CD226: variants seen among roughly 807,000 people sequenced by gnomAD.
CD226 encodes the protein CD226 molecule.
CD226 carries 24 observed loss-of-function variants against 34.9 expected under a neutral mutation model. That is an observed-to-expected ratio of 0.69 (90% CI 0.50 to 0.97). The LOEUF is 0.97. CD226 is among the 50% of genes least tolerant of loss of function. The pLI, the probability that CD226 is intolerant of heterozygous loss-of-function variation, is 0.00. For missense variants in CD226, 397 were observed against 412.7 expected (o/e 0.96, Z 0.33); for synonymous variants, 148 against 147.4 (o/e 1.00, Z -0.03).
rs554190526 is a variant in CD226 at position 69,908,988 on chromosome 18, C to G, written c.383-12943G>C. Among the ~76,000 whole-genome samples, 4 of 152,328 alleles carry G rather than the reference C, an allele frequency of 2.6e-5. No homozygotes were observed. The East Asian group carries it at 7.7e-4, about 29-fold the overall frequency. On this transcript the variant is annotated intron_variant, in intron 2 of 5. Transcript: ENST00000582621. ...TGTGATGCCACTTATCCTGTGATAT[C>G]ACTTATTCTGTGACATCACCTATTT... is the stretch of plus-strand genomic sequence containing the variant.
chr18:69,869,785 A>ATTTTT (rs1433253702), intron 4 of CD226, among the ~76,000 whole-genome samples: 1 of 142,658 alleles, frequency 7.0e-6, no homozygotes, highest in Non-Finnish European at 1.5e-5. Flanking sequence ...AGGATGAGAG[A>ATTTTT]TTTTCTTTTT....
At chr18:69,941,248 C>A (rs1190088782) in intron 2 of CD226, among the ~76,000 whole-genome samples, 3 of 152,260 alleles carry the variant, frequency 2.0e-5, no homozygotes, top group African/African-American at 4.8e-5. Flanking sequence ...GGAGCCCCCA[C>A]ACAGAATCCC....
chr18:69,891,362 GC>G, intron 3 of CD226, among the ~76,000 whole-genome samples: 1 of 151,516 alleles, frequency 6.6e-6, no homozygotes, highest in African/African-American at 2.4e-5. Flanking sequence ...TCTATGAAAA[GC>G]CCACAGCTAA....
chr18:69,941,303 C>T (rs2055721153), intron 2 of CD226, among the ~76,000 whole-genome samples: 3 of 152,228 alleles, frequency 2.0e-5, no homozygotes, highest in African/African-American at 7.2e-5. Flanking sequence ...GGGCCACCAT[C>T]CTTCAGACCC....
chr18:69,940,767 T>C (rs1247419419), intron 2 of CD226, among the ~76,000 whole-genome samples: 1 of 152,180 alleles, frequency 6.6e-6, no homozygotes, highest in Non-Finnish European at 1.5e-5. Context: ...AAAAACATTT[T>C]CTGGGAAGAA....
rs1197720866 is a variant in CD226 at position 69,862,577 on chromosome 18, A to G, written c.*1737T>C. The G allele has an allele frequency of 6.6e-6, 1 of 152,178 alleles. No homozygotes were observed. The highest frequency in any genetic ancestry group is 1.5e-5 in the Non-Finnish European group (1 of 67,996). The allele number at this position is 152,178 out of a possible 1,614,324, so 9.4% of individuals were successfully genotyped here. On this transcript the variant is annotated 3_prime_UTR_variant, in exon 6 of 6. Transcript: ENST00000582621. ...GCATATACTTAAGCACAACCAGGAA[A>G]TGGTCGTTTTTATTTTTTCACTCCT...
In CD226 at chr18:69,903,903, G is replaced by C. The variant is rs1332947137; in HGVS notation, c.383-7858C>G. 2.0e-5 allele frequency among the ~76,000 whole-genome samples: 3 copies of C among 152,120 alleles called. No individual in the cohort carries two copies. In the South Asian group the frequency reaches 6.2e-4, roughly 32 times the overall value. On this transcript the variant is annotated intron_variant, in intron 2 of 5. Coordinates refer to ENST00000582621, the MANE Select transcript of CD226 (RefSeq NM_001303618.2). Reference sequence around the variant, plus strand: ...CCAGCAGCTCTAGGACACTAATAGGGAGTAAGGACCATCAGGACGACATCT... The same window carrying C: ...CCAGCAGCTCTAGGACACTAATAGGCAGTAAGGACCATCAGGACGACATCT...
At chr18:69,942,720 GC>G (rs1303748703) in intron 2 of CD226, among the ~76,000 whole-genome samples, 1 of 152,116 alleles carries the variant, frequency 6.6e-6, no homozygotes, top group Non-Finnish European at 1.5e-5. Flanking sequence ...TGCCTCTCAG[GC>G]CACCTCTGTG....
intron 2 of CD226, among the ~76,000 whole-genome samples, chr18:69,923,233 A>G (rs1481329723): frequency 6.7e-6 from 1 of 149,412 alleles, no homozygotes; most frequent in Non-Finnish European, 1.5e-5. Flanking sequence ...GAGAGAGAGA[A>G]AGAAAGAGAG....
chr18:69,899,559 T>C (rs1985484688), intron 2 of CD226, among the ~76,000 whole-genome samples: 1 of 152,170 alleles, frequency 6.6e-6, no homozygotes, highest in Non-Finnish European at 1.5e-5. Context: ...ATCCAGCATC[T>C]ATAAGGAAGT....
chr18:69,908,937 A>T (rs1352873753), intron 2 of CD226, among the ~76,000 whole-genome samples: 1 of 152,146 alleles, frequency 6.6e-6, no homozygotes, highest in African/African-American at 2.4e-5. Flanking sequence ...ATCCTTCAAA[A>T]TTTATCCTGT....
chr18:69,875,246 C>T (rs1225016515), intron 3 of CD226, among the ~76,000 whole-genome samples: 1 of 152,212 alleles, frequency 6.6e-6, no homozygotes, highest in Non-Finnish European at 1.5e-5. Flanking sequence ...TCAAGCAATT[C>T]TCCTGCCTCA....
chr18:69,882,038 C>G (rs941009172), intron 3 of CD226, among the ~76,000 whole-genome samples: 3 of 152,296 alleles, frequency 2.0e-5, no homozygotes, highest in Non-Finnish European at 2.9e-5. Context: ...ATGGCTTCAA[C>G]CTCTAATCCT....
intron 2 of CD226, among the ~76,000 whole-genome samples, chr18:69,927,773 A>C (rs1038254930): frequency 6.6e-6 from 1 of 152,222 alleles, no homozygotes; most frequent in Non-Finnish European, 1.5e-5. Context: ...CATACATTTT[A>C]TATACATATA....
chr18:69,916,171 C>A (rs2055383499), intron 2 of CD226, among the ~76,000 whole-genome samples: 1 of 152,184 alleles, frequency 6.6e-6, no homozygotes, highest in Non-Finnish European at 1.5e-5. Flanking sequence ...GATAACCACA[C>A]AGATACTGAT....
intron 2 of CD226, among the ~76,000 whole-genome samples, chr18:69,930,160 A>G (rs17081853): frequency 0.064 from 9,779 of 152,210 alleles, 759 homozygotes; most frequent in African/African-American, 0.18. Context: ...CTAGATGACA[A>G]ATATTTTTTA....
chr18:69,922,344 C>T lies in CD226; in HGVS notation c.382+24390G>A, dbSNP rs147030577. Among the ~76,000 whole-genome samples the T allele has an allele frequency of 3.5e-3, 529 of 152,278 alleles. 3 individuals carry two copies. Among genetic ancestry groups the T allele is most frequent in the African/African-American group, 0.012 (510 of 41,544 alleles). On this transcript the variant is annotated intron_variant, in intron 2 of 5. Coordinates refer to ENST00000582621, the MANE Select transcript of CD226 (RefSeq NM_001303618.2). ...GCACCCAGCCTGGAGTCCAGTGGTG[C>T]GATCATAGCTCACTGCAGCTTCAAG...
At chr18:69,918,242 T>C (rs2055409279) in intron 2 of CD226, among the ~76,000 whole-genome samples, 1 of 152,198 alleles carries the variant, frequency 6.6e-6, no homozygotes, top group South Asian at 2.1e-4. Context: ...AAGGGCCTAG[T>C]ACATGAGAAG....
chr18:69,870,034 C>T (rs12956324), intron 4 of CD226, among the ~76,000 whole-genome samples: 1 of 150,936 alleles, frequency 6.6e-6, no homozygotes, highest in Non-Finnish European at 1.5e-5. Flanking sequence ...GAACTCCTGA[C>T]CTCATGATCT....
Sources: allele counts gnomAD v4.1 joint callset (sites outside exome capture counted in the v4.1 genomes callset), GRCh38; gene constraint gnomAD v4.1.1; transcripts MANE v1.5; gene names NCBI Gene and HGNC (gene_info 2026-07-23, HGNC 2026-07-21).